Variants in MAPKAPK3 observed in about 807,000 individuals in gnomAD.
MAPKAPK3 encodes the protein MAP kinase-activated protein kinase 3.
MAPKAPK3 carries 35 observed loss-of-function variants against 49.2 expected under a neutral mutation model. The observed-to-expected ratio is 0.71, with a 90% CI of 0.54 to 0.94. The LOEUF is 0.94. Ranked by LOEUF, MAPKAPK3 falls within the 40% of genes least tolerant of loss-of-function variation. MAPKAPK3 has a pLI of 0.00. For missense variants in MAPKAPK3, 398 were observed against 493.1 expected (o/e 0.81, Z 1.83); for synonymous variants, 178 against 188.7 (o/e 0.94, Z 0.46).
chr3:50,626,084 C>CA (rs2032731979), intron 2 of MAPKAPK3, among the ~76,000 whole-genome samples: 3 of 152,026 alleles, frequency 2.0e-5, no homozygotes, highest in Admixed American at 1.3e-4. Flanking sequence ...CCCGCCACCC[C>CA]CCCATGGCTT....
At chr3:50,623,878 C>G (rs1301857626) in intron 2 of MAPKAPK3, among the ~76,000 whole-genome samples, 2 of 152,256 alleles carry the variant, frequency 1.3e-5, no homozygotes, top group Non-Finnish European at 2.9e-5. Context: ...GGAGCCCTGG[C>G]AGCCCCAGCT....
At chr3:50,646,926 G>A (rs1576017536) in intron 9 of MAPKAPK3, 101 bp downstream of exon 9, 1 of 1,249,060 alleles carries the variant, frequency 8.0e-7, no homozygotes, top group Non-Finnish European at 1.2e-6. Flanking sequence ...GTGCAGGGCT[G>A]GAATGGGCCC....
intron 5 of MAPKAPK3, 112 bp from the exon 6 acceptor site, chr3:50,644,297 C>A: frequency 1.6e-6 from 2 of 1,284,872 alleles, no homozygotes; most frequent in Admixed American, 2.1e-5. Context: ...ATAAATGGAC[C>A]TGGCTCCTTC....
intron 10 of MAPKAPK3, 23 bp from the exon 11 acceptor site, chr3:50,647,871 C>A (rs768076382): frequency 2.1e-5 from 34 of 1,601,782 alleles, no homozygotes; most frequent in Non-Finnish European, 2.8e-5. Flanking sequence ...CCTCTTAGTG[C>A]CCACCATCCT....
upstream of MAPKAPK3, among the ~76,000 whole-genome samples, chr3:50,615,352 TGTGTTATATGCATGTGTGTTTATAC>T (rs1489601077): frequency 5.9e-5 from 9 of 152,196 alleles, no homozygotes; most frequent in South Asian, 2.1e-4. Flanking sequence ...TGTGTGCATG[TGTGTTATATGCATGTGTGTTTATAC>T]GTGTTATATG....
upstream of MAPKAPK3, among the ~76,000 whole-genome samples, chr3:50,614,922 G>A (rs572961632): frequency 3.3e-5 from 5 of 152,304 alleles, no homozygotes; most frequent in African/African-American, 7.2e-5. Context: ...TTACAATGAG[G>A]AAGTTTTACT....
chr3:50,619,689 G>C (rs536662761), intron 2 of MAPKAPK3, among the ~76,000 whole-genome samples: 1 of 152,144 alleles, frequency 6.6e-6, no homozygotes, highest in Non-Finnish European at 1.5e-5. Context: ...AGCCCCTGTG[G>C]TGTCCAGATG....
At chr3:50,612,892 G>A (rs1017870098), upstream of MAPKAPK3, 4 of 152,146 alleles carry the variant, frequency 2.6e-5, no homozygotes, top group Non-Finnish European at 4.4e-5. Context: ...TGTTGCTCCC[G>A]TTATGCGGAC....
At chr3:50,640,316 G>A (rs747362480) in intron 2 of MAPKAPK3, 50 bp from the exon 3 acceptor site, 2 of 1,572,694 alleles carry the variant, frequency 1.3e-6, no homozygotes, top group South Asian at 2.3e-5. Flanking sequence ...TCTGCAAAAT[G>A]ATGGTAGAGG....
intron 5 of MAPKAPK3, among the ~76,000 whole-genome samples, chr3:50,643,165 T>G (rs2033215571): frequency 6.6e-6 from 1 of 152,208 alleles, no homozygotes; most frequent in Non-Finnish European, 1.5e-5. Context: ...TTGCGGCTTT[T>G]GTGAAGTCAC....
intron 2 of MAPKAPK3, among the ~76,000 whole-genome samples, chr3:50,630,791 G>A (rs1056068588): frequency 6.6e-6 from 1 of 152,220 alleles, no homozygotes; most frequent in African/African-American, 2.4e-5. Context: ...CTGCCCAGCT[G>A]TGTGACTTTG....
At chr3:50,636,663 AAAAC>A (rs748781875) in intron 2 of MAPKAPK3, among the ~76,000 whole-genome samples, 256 of 152,348 alleles carry the variant, frequency 1.7e-3, no homozygotes, top group Middle Eastern at 0.01. Flanking sequence ...GAAAGAAAGA[AAAAC>A]AAAGGATGAA....
intron 2 of MAPKAPK3, among the ~76,000 whole-genome samples, chr3:50,628,587 C>T (rs2107582341): frequency 6.6e-6 from 1 of 152,272 alleles, no homozygotes; most frequent in Non-Finnish European, 1.5e-5. Flanking sequence ...GATACCAGAA[C>T]CTGGATCTTC....
intron 2 of MAPKAPK3, among the ~76,000 whole-genome samples, chr3:50,636,404 C>T (rs1348196177): frequency 6.6e-6 from 1 of 152,208 alleles, no homozygotes; most frequent in Non-Finnish European, 1.5e-5. Flanking sequence ...AGTACAATAT[C>T]TGTATGTGTG....
At position 50,647,962 on chromosome 3, in the gene MAPKAPK3, G is replaced by A. The variant is rs761057460; in HGVS notation, c.1065G>A (p.Lys355=). Residue 355 remains lysine (K), a synonymous_variant, in exon 11 of 11, where the codon AAG becomes AAA. Transcript: ENST00000621469. The stretch of plus-strand genomic sequence containing the variant: ...ACCAGGTGAAGATCAAGGACCTGAA[G>A]ACCTCTAACAACCGGCTCCTCAACA... ...DYDQVKIKDL[K]TSNNRLLNKR... The A allele has an allele frequency of 3.1e-6, 5 of 1,614,028 alleles. No homozygotes were observed. The Admixed American group carries it at 8.3e-5, about 27-fold the overall frequency.
At chr3:50,641,648 G>A in intron 3 of MAPKAPK3, 59 bp from the exon 4 acceptor site, 1 of 1,404,816 alleles carries the variant, frequency 7.1e-7, no homozygotes, top group Non-Finnish European at 1.0e-6. Flanking sequence ...TTGGGGCAGG[G>A]GCAAGGGTAG....
upstream of MAPKAPK3, chr3:50,611,632 C>A: frequency 6.6e-7 from 1 of 1,514,356 alleles, no homozygotes; most frequent in African/African-American, 1.4e-5. Flanking sequence ...CGCGCTTACC[C>A]CTGAACGCAG....
At chr3:50,645,417 C>A (rs2033267489) in intron 6 of MAPKAPK3, among the ~76,000 whole-genome samples, 1 of 152,198 alleles carries the variant, frequency 6.6e-6, no homozygotes, top group Non-Finnish European at 1.5e-5. Context: ...AGCTTCCCAC[C>A]AAGCCCCAGA....
At chr3:50,611,938 GC>G in exon 1 of MAPKAPK3, 5 of 433,512 alleles carry the variant, frequency 1.2e-5, no homozygotes, top group South Asian at 5.7e-5. Flanking sequence ...GGCGGGGTGC[GC>G]GGGCCCCGTC....
Sources: gnomAD v4.1 joint callset for allele counts (sites outside exome capture counted in the v4.1 genomes callset) on GRCh38, gnomAD v4.1.1 for gene constraint, MANE v1.5 for transcripts, NCBI Gene and HGNC (gene_info 2026-07-23, HGNC 2026-07-21) for gene names.